Variants in VPS50 observed in about 807,000 individuals in gnomAD.
The protein encoded by VPS50 is syndetin.
In VPS50, 70 loss-of-function variants were observed where a neutral mutation model predicts 139.7. That is an observed-to-expected ratio of 0.50 (90% CI 0.41 to 0.61). The LOEUF (loss-of-function observed/expected upper bound fraction) is 0.61. VPS50 is among the 20% of genes least tolerant of loss of function. VPS50 has a pLI of 0.00. For synonymous variants in VPS50, 365 were observed against 376.7 expected, an observed-to-expected ratio of 0.97 and a Z score of 0.36; for missense variants, 921 against 1,133.7, an observed-to-expected ratio of 0.81 and a Z score of 2.69.
At chr7:93,271,370 A>G (rs773995065) in intron 10 of VPS50, 108 bp downstream of exon 10, 136 of 1,339,098 alleles carry the variant, frequency 1.0e-4, no homozygotes, top group Non-Finnish European at 1.3e-4. Context: ...CAATGTCTCT[A>G]GATCACTGTA....
Position 93,275,353 on chromosome 7 carries a change from A to C in VPS50, c.802-812A>C, listed in dbSNP as rs190578739. 3.1e-3 allele frequency among the ~76,000 whole-genome samples: 468 copies of C among 152,254 alleles called. 7 individuals are homozygous for C. Among genetic ancestry groups the C allele is most frequent in the Non-Finnish European group, 9.0e-4 (61 of 68,012 alleles). On this transcript the variant is annotated intron_variant, in intron 11 of 27. Transcript: ENST00000305866. The stretch of plus-strand genomic sequence containing the variant: ...TACAGAGAAATATTTTGTGAAAAGA[A>C]GAGTCAACTAATGCAGGAAACTTCA...
chr7:93,326,773 A>C (rs1797793540), intron 21 of VPS50, among the ~76,000 whole-genome samples: 1 of 152,064 alleles, frequency 6.6e-6, no homozygotes, highest in African/African-American at 2.4e-5. Context: ...ATATAATACT[A>C]CTTATGTTTC....
At chr7:93,254,425 A>G (rs1795427852) in intron 4 of VPS50, among the ~76,000 whole-genome samples, 1 of 152,050 alleles carries the variant, frequency 6.6e-6, no homozygotes, top group African/African-American at 2.4e-5. Flanking sequence ...ATGTGCCACT[A>G]GTCTGGCTAT....
intron 2 of VPS50, among the ~76,000 whole-genome samples, chr7:93,243,609 T>G (rs944032090): frequency 6.6e-6 from 1 of 151,962 alleles, no homozygotes; most frequent in African/African-American, 2.4e-5. Flanking sequence ...TCATGCAGAG[T>G]TAAAGATATA....
intron 1 of VPS50, among the ~76,000 whole-genome samples, chr7:93,233,324 ATTAT>A (rs1226797160): frequency 3.3e-5 from 5 of 152,320 alleles, no homozygotes; most frequent in African/African-American, 1.2e-4. Flanking sequence ...TGGTCATTTT[ATTAT>A]TTTAATATGA....
At position 93,265,722 on chromosome 7, in the gene VPS50, AC is replaced by A. The variant is rs544243305; in HGVS notation, c.660-5495del. On this transcript the variant is annotated intron_variant, in intron 9 of 27. Coordinates refer to ENST00000305866, the MANE Select transcript of VPS50 (RefSeq NM_017667.4). Reference sequence around the variant, plus strand: ...TGGGACTACAGGCACACGCCACTACACCCGGCTATTTTTTAAATATTTTTAG... The same window carrying A: ...TGGGACTACAGGCACACGCCACTACACCGGCTATTTTTTAAATATTTTTAG... Among the ~76,000 whole-genome samples, 122 of 151,744 alleles carry A rather than the reference AC, an allele frequency of 8.0e-4. 1 individual carries two copies. Among genetic ancestry groups the A allele is most frequent in the African/African-American group, 2.8e-3 (115 of 41,338 alleles).
intron 2 of VPS50, among the ~76,000 whole-genome samples, chr7:93,251,475 T>C (rs991689044): frequency 1.6e-5 from 2 of 127,016 alleles, no homozygotes; most frequent in Admixed American, 1.1e-4. Context: ...AGTTGAACAA[T>C]GAGAACACAT....
intron 22 of VPS50, 122 bp from the exon 23 acceptor site, chr7:93,341,305 A>G: frequency 1.6e-6 from 1 of 618,872 alleles, no homozygotes; most frequent in South Asian, 2.3e-5. Context: ...AAAGAACTGA[A>G]CCTAAATGTA....
intron 22 of VPS50, among the ~76,000 whole-genome samples, chr7:93,337,005 ACTC>A (rs1473692397): frequency 1.3e-5 from 2 of 152,118 alleles, no homozygotes; most frequent in Non-Finnish European, 2.9e-5. Flanking sequence ...TACTTATTGT[ACTC>A]CTATAAACTG....
intron 2 of VPS50, among the ~76,000 whole-genome samples, chr7:93,246,314 T>C (rs1238569780): frequency 6.6e-6 from 1 of 151,810 alleles, no homozygotes; most frequent in Non-Finnish European, 1.5e-5. Flanking sequence ...CATTCTGCCA[T>C]TGAGTTATAT....
chr7:93,286,776 G>A (rs1420161965), intron 12 of VPS50, among the ~76,000 whole-genome samples: 1 of 151,864 alleles, frequency 6.6e-6, no homozygotes, highest in Non-Finnish European at 1.5e-5. Context: ...GAAATTTGGA[G>A]GTCATTTTTA....
chr7:93,254,860 G>A (rs905186460), intron 4 of VPS50, among the ~76,000 whole-genome samples: 12 of 151,856 alleles, frequency 7.9e-5, no homozygotes, highest in Admixed American at 1.3e-4. Context: ...TAAGTTTATC[G>A]GTTTGAATTT....
intron 12 of VPS50, among the ~76,000 whole-genome samples, chr7:93,289,700 A>G (rs1199431655): frequency 2.6e-5 from 4 of 152,032 alleles, no homozygotes; most frequent in Admixed American, 2.6e-4. Flanking sequence ...TTCTGGAGGA[A>G]TATGTCTAAT....
chr7:93,267,854 A>G (rs1199927374), intron 9 of VPS50, among the ~76,000 whole-genome samples: 1 of 152,202 alleles, frequency 6.6e-6, no homozygotes, highest in African/African-American at 2.4e-5. Flanking sequence ...AAATATAGGC[A>G]TTAAGAAGTC....
At chr7:93,294,523 A>G (rs747690629) in intron 13 of VPS50, 22 bp from the exon 14 acceptor site, 17 of 1,495,860 alleles carry the variant, frequency 1.1e-5, no homozygotes, top group Admixed American at 4.8e-5. Flanking sequence ...ATCTAAAAAT[A>G]TATATTGTCT....
At chr7:93,342,943 A>G (rs1470631651) in intron 23 of VPS50, among the ~76,000 whole-genome samples, 1 of 152,248 alleles carries the variant, frequency 6.6e-6, no homozygotes, top group Non-Finnish European at 1.5e-5. Context: ...CCTCCAAAGG[A>G]ACACAGTTCC....
intron 12 of VPS50, among the ~76,000 whole-genome samples, chr7:93,285,804 G>C (rs1223099028): frequency 6.6e-6 from 1 of 152,150 alleles, no homozygotes; most frequent in Non-Finnish European, 1.5e-5. Flanking sequence ...TTGGATTAAG[G>C]AATGAATTGT....
intron 23 of VPS50, 101 bp from the exon 24 acceptor site, chr7:93,348,606 TGTTA>T: frequency 4.1e-6 from 3 of 739,344 alleles, no homozygotes; most frequent in Non-Finnish European, 6.8e-6. Flanking sequence ...TAATTTTTAT[TGTTA>T]AAGTTTTGCT....
chr7:93,344,951 T>C (rs1413693839), intron 23 of VPS50, among the ~76,000 whole-genome samples: 1 of 151,978 alleles, frequency 6.6e-6, no homozygotes, highest in Non-Finnish European at 1.5e-5. Flanking sequence ...ATTCAAAAGC[T>C]AGCAGAAGGC....
Sources: gnomAD v4.1 joint callset for allele counts (sites outside exome capture counted in the v4.1 genomes callset) on GRCh38, gnomAD v4.1.1 for gene constraint, MANE v1.5 for transcripts, NCBI Gene and HGNC (gene_info 2026-07-23, HGNC 2026-07-21) for gene names.